Variants in PRPH observed in about 807,000 individuals in gnomAD.
PRPH encodes peripherin, also known as neurofilament 4 (57kD).
PRPH carries 48 observed loss-of-function variants against 52.6 expected under a neutral mutation model. That is an observed-to-expected ratio of 0.91 (90% CI 0.72 to 1.16). PRPH has a LOEUF of 1.16. Among genes scored for constraint, PRPH ranks in the 50% most tolerant of loss-of-function variants. PRPH has a pLI of 0.00. For missense variants in PRPH, 579 were observed against 635.7 expected (o/e 0.91, Z 0.96); for synonymous variants, 279 against 283.8 (o/e 0.98, Z 0.17).
chr12:49,295,284 C>T lies in PRPH; in HGVS notation c.84C>T (p.Ser28=). 1.2e-6 allele frequency: 2 copies of T among 1,611,940 alleles called. No homozygotes were observed. Among genetic ancestry groups the T allele is most frequent in the Middle Eastern group, 1.6e-4 (1 of 6,062 alleles). The change falls in exon 1 of 9, where the codon TCC becomes TCT. Residue 28 remains serine (S), a synonymous_variant. Coordinates refer to ENST00000257860, the MANE Select transcript of PRPH (RefSeq NM_006262.4). ...RRTFGPPPSL[S]PGAFSYSSSS... is the part of the protein sequence containing the mutation. ...CCTTCGGTCCACCGCCCTCACTATC[C>T]CCCGGGGCCTTCTCCTACTCGTCCA...
rs749334255 is a variant in PRPH, at chr12:49,296,160, G to C, written c.546-18G>C. 2 of 1,610,460 alleles carry C rather than the reference G, an allele frequency of 1.2e-6. No individual in the cohort carries two copies. Among genetic ancestry groups the C allele is most frequent in the South Asian group, 2.2e-5 (2 of 90,762 alleles). On this transcript the variant is annotated intron_variant, in intron 1 of 8. Coordinates refer to ENST00000257860, the MANE Select transcript of PRPH (RefSeq NM_006262.4). The surrounding 1 kb of genome is among the most constrained non-coding windows in gnomAD (Gnocchi z 5.1). ...GCGGCGACCCCGCAGTTCAGCCTCT[G>C]CACGCTCTTCCCGTCAGGTTGGAGG...
Position 49,298,413 on chromosome 12 carries a change from C to A in PRPH, c.*60C>A, listed in dbSNP as rs536114558. ...CCTGCTCAAAGCCCAAACCCTAAGA[C>A]CACTCCTGAATTGTCTCCTCTCCCT... is the stretch of plus-strand genomic sequence containing the variant. On this transcript the variant is annotated 3_prime_UTR_variant, in exon 9 of 9. Coordinates refer to ENST00000257860, the MANE Select transcript of PRPH (RefSeq NM_006262.4). 55 of 1,562,702 alleles carry A rather than the reference C, an allele frequency of 3.5e-5. No homozygotes were observed. Among genetic ancestry groups the A allele is most frequent in the Non-Finnish European group, 4.8e-5 (54 of 1,135,104 alleles).
rs974140153 is a variant in PRPH at position 49,297,866 on chromosome 12, G to A, written c.1268-92G>A. ...GTACCCACCCCTACTCCTCAAACCC[G>A]CCCCTCCCCTGCCCTCAGGGATAGC... On this transcript the variant is annotated intron_variant, in intron 7 of 8. Transcript: ENST00000257860. This position sits in a 1 kb window ranked among gnomAD's most constrained non-coding sequence, Gnocchi z 4.4. 1.2e-5 allele frequency: 18 copies of A among 1,510,332 alleles called. No individual in the cohort carries two copies. Among genetic ancestry groups the A allele is most frequent in the Admixed American group, 1.7e-5 (1 of 59,570 alleles). 93.6% of individuals were successfully genotyped at this position (1,510,332 alleles called of 1,614,324 possible).
At position 49,298,374 on chromosome 12, in the gene PRPH, G is replaced by T; in HGVS notation, c.*21G>T. The T allele has an allele frequency of 6.2e-7, 1 of 1,613,888 alleles. No individual in the cohort carries two copies. The highest frequency in any genetic ancestry group is 1.1e-5 in the South Asian group (1 of 91,000). On this transcript the variant is annotated 3_prime_UTR_variant, in exon 9 of 9. Coordinates refer to ENST00000257860, the MANE Select transcript of PRPH (RefSeq NM_006262.4). ...ACTGAACCCCTTGGTCCGGAGCCTT[G>T]ACTCTGCCCTAGGCCTGCTCAAAGC...
Position 49,297,497 on chromosome 12 carries a change from C to A in PRPH, c.1137C>A (p.Tyr379Ter), listed in dbSNP as rs778946909. The A allele has an allele frequency of 6.2e-7, 1 of 1,612,562 alleles. No homozygotes were observed. The highest frequency in any genetic ancestry group is 2.2e-5 in the East Asian group (1 of 44,850). ...KEEMARHLRE[Y>*]QELLNVKMAL... ...AGATGGCGCGGCACCTGAGGGAGTACCAGGAGCTCCTCAACGTCAAGATGG... is the reference window on the plus strand; with the variant it reads ...AGATGGCGCGGCACCTGAGGGAGTAACAGGAGCTCCTCAACGTCAAGATGG... The change falls in exon 6 of 9, where the codon TAC becomes TAA. Residue 379 changes from tyrosine to a stop codon, truncating the protein, a stop_gained. Coordinates refer to ENST00000257860, the MANE Select transcript of PRPH (RefSeq NM_006262.4). LOFTEE classifies it high-confidence loss of function. The surrounding 1 kb of genome is among the most constrained non-coding windows in gnomAD (Gnocchi z 4.4).
At position 49,298,439 on chromosome 12, in the gene PRPH, C is replaced by A. The variant is rs1325885513; in HGVS notation, c.*86C>A. On this transcript the variant is annotated 3_prime_UTR_variant, in exon 9 of 9. Coordinates refer to ENST00000257860, the MANE Select transcript of PRPH (RefSeq NM_006262.4). Reference sequence around the variant, plus strand: ...CACTCCTGAATTGTCTCCTCTCCCTCTGCATGTGTCTAAAAGGTGGTACCA... The same window carrying A: ...CACTCCTGAATTGTCTCCTCTCCCTATGCATGTGTCTAAAAGGTGGTACCA... 21 of 1,418,870 alleles carry A rather than the reference C, an allele frequency of 1.5e-5. No homozygotes were observed. Among genetic ancestry groups the A allele is most frequent in the Non-Finnish European group, 2.1e-5 (21 of 1,011,936 alleles). The allele number at this position is 1,418,870 out of a possible 1,614,324, so 87.9% of individuals were successfully genotyped here.
At position 49,298,442 on chromosome 12, in the gene PRPH, C is replaced by T; in HGVS notation, c.*89C>T. On this transcript the variant is annotated 3_prime_UTR_variant, in exon 9 of 9. Transcript: ENST00000257860. ...TCCTGAATTGTCTCCTCTCCCTCTG[C>T]ATGTGTCTAAAAGGTGGTACCAGGC... 1 of 1,417,352 alleles carries T rather than the reference C, an allele frequency of 7.1e-7. No homozygotes were observed. Among genetic ancestry groups the T allele is most frequent in the Non-Finnish European group, 9.9e-7 (1 of 1,010,944 alleles). The allele number at this position is 1,417,352 out of a possible 1,614,324, so 87.8% of individuals were successfully genotyped here.
Position 49,297,499 on chromosome 12 carries a change from A to G in PRPH, c.1139A>G (p.Gln380Arg). The G allele has an allele frequency of 6.2e-7, 1 of 1,612,420 alleles. No individual in the cohort carries two copies. Among genetic ancestry groups the G allele is most frequent in the African/African-American group, 1.3e-5 (1 of 74,938 alleles). Reference sequence around the variant, plus strand: ...ATGGCGCGGCACCTGAGGGAGTACCAGGAGCTCCTCAACGTCAAGATGGCC... The same window carrying G: ...ATGGCGCGGCACCTGAGGGAGTACCGGGAGCTCCTCAACGTCAAGATGGCC... ...EEMARHLREY[Q>R]ELLNVKMALD... Residue 380 changes from glutamine (Q) to arginine (R), a missense_variant, in exon 6 of 9, where the codon CAG becomes CGG. Physicochemically the swap from Gln to Arg is conservative, Grantham distance 43 (BLOSUM62 1). Coordinates refer to ENST00000257860, the MANE Select transcript of PRPH (RefSeq NM_006262.4). The surrounding 1 kb of genome is among the most constrained non-coding windows in gnomAD (Gnocchi z 4.4).
In PRPH at chr12:49,295,457, T is replaced by C. The variant is rs1301826636; in HGVS notation, c.257T>C (p.Leu86Pro). ...ERLDFSMAEALNQEFLATRSN... is the reference protein window; with the variant it reads ...ERLDFSMAEAPNQEFLATRSN... The stretch of plus-strand genomic sequence containing the variant: ...CTCGACTTCTCCATGGCCGAGGCCC[T>C]CAACCAGGAGTTCCTGGCCACGCGC... The change falls in exon 1 of 9, where the codon CTC becomes CCC. Residue 86 changes from leucine to proline, a missense_variant. Coordinates refer to ENST00000257860, the MANE Select transcript of PRPH (RefSeq NM_006262.4). The C allele has an allele frequency of 3.1e-6, 5 of 1,608,166 alleles. No homozygotes were observed. The highest frequency in any genetic ancestry group is 1.7e-4 in the Middle Eastern group (1 of 6,056).
Position 49,297,075 on chromosome 12 carries a change from C to A in PRPH, c.870+19C>A, listed in dbSNP as rs368901539. ...GTCCAAGGTGCAAGAGCCGGGAGGG[C>A]CTGCGAGGCGGGACGCTGGGGTGGT... is the stretch of plus-strand genomic sequence containing the variant. On this transcript the variant is annotated intron_variant, in intron 4 of 8. Transcript: ENST00000257860. This position sits in a 1 kb window ranked among gnomAD's most constrained non-coding sequence, Gnocchi z 4.4. 17 of 1,613,722 alleles carry A rather than the reference C, an allele frequency of 1.1e-5. No homozygotes were observed. The African/African-American group carries it at 2.1e-4, about 20-fold the overall frequency.
Position 49,296,037 on chromosome 12 carries a change from A to AT in PRPH, c.546-139dup. The AT allele has an allele frequency of 1.5e-6, 2 of 1,318,664 alleles. No individual in the cohort carries two copies. Among genetic ancestry groups the AT allele is most frequent in the Non-Finnish European group, 2.1e-6 (2 of 952,312 alleles). The allele number at this position is 1,318,664 out of a possible 1,614,324, so 81.7% of individuals were successfully genotyped here. Reference sequence around the variant, plus strand: ...AGTCCGTTAGAGACAATGCGGGGCAATTCCATTAGACAGCCTCAGCCCTCC... The same window carrying AT: ...AGTCCGTTAGAGACAATGCGGGGCAATTTCCATTAGACAGCCTCAGCCCTCC... On this transcript the variant is annotated intron_variant, in intron 1 of 8. Coordinates refer to ENST00000257860, the MANE Select transcript of PRPH (RefSeq NM_006262.4). The surrounding 1 kb of genome is among the most constrained non-coding windows in gnomAD (Gnocchi z 5.1).
Position 49,295,692 on chromosome 12 carries a change from G to A in PRPH, c.492G>A (p.Arg164=). 1.3e-6 allele frequency: 2 copies of A among 1,532,022 alleles called. No homozygotes were observed. Among genetic ancestry groups the A allele is most frequent in the Admixed American group, 2.0e-5 (1 of 50,076 alleles). The allele number at this position is 1,532,022 out of a possible 1,614,324, so 94.9% of individuals were successfully genotyped here. A position where few individuals can be genotyped will look rare whatever the true frequency, so the allele number is the denominator to read the frequency against. The change falls in exon 1 of 9, where the codon CGG becomes CGA. Residue 164 remains arginine (R), a synonymous_variant. Coordinates refer to ENST00000257860, the MANE Select transcript of PRPH (RefSeq NM_006262.4). ...AGCTGTTGGGCCGCGAGCGTGACCG[G>A]GTGCAGGTGGAGCGCGACGGGCTGG... ...ELELLGRERD[R]VQVERDGLAE...
In PRPH at chr12:49,297,737, CT is replaced by C; in HGVS notation, c.1267+13del. 1 of 1,611,022 alleles carries C rather than the reference CT, an allele frequency of 6.2e-7. No homozygotes were observed. Among genetic ancestry groups the C allele is most frequent in the East Asian group, 2.2e-5 (1 of 44,884 alleles). ...ATATAAAGACGACTGGTGAGTCTGG[CT>C]TACAGCCTGTACCTCTCCTTGTCCA... is the stretch of plus-strand genomic sequence containing the variant. On this transcript the variant is annotated intron_variant, in intron 7 of 8. Transcript: ENST00000257860. This position sits in a 1 kb window ranked among gnomAD's most constrained non-coding sequence, Gnocchi z 4.4.
chr12:49,295,804 G>C (rs1298081007), intron 1 of PRPH, 59 bp downstream of exon 1: 6 of 1,441,138 alleles, frequency 4.2e-6, no homozygotes, highest in African/African-American at 2.9e-5. Flanking sequence ...CCGTCGAGGC[G>C]GCTGCTCTTG....
In PRPH at chr12:49,295,430, G is replaced by C. The variant is rs755554237; in HGVS notation, c.230G>C (p.Arg77Pro). The change falls in exon 1 of 9, where the codon CGC becomes CCC. Residue 77 changes from arginine (R) to proline (P), a missense_variant. Physicochemically the swap from Arg to Pro is moderately radical, Grantham distance 103 (BLOSUM62 -2). Transcript: ENST00000257860. The part of the protein sequence containing the change: ...AGALLRLPSE[R>P]LDFSMAEALN... ...GCCCTCCTGCGCCTGCCCTCGGAGCGCCTCGACTTCTCCATGGCCGAGGCC... is the reference window on the plus strand; with the variant it reads ...GCCCTCCTGCGCCTGCCCTCGGAGCCCCTCGACTTCTCCATGGCCGAGGCC... The C allele has an allele frequency of 1.2e-6, 2 of 1,605,636 alleles. No homozygotes were observed. The highest frequency in any genetic ancestry group is 2.2e-5 in the South Asian group (2 of 89,774).
chr12:49,298,267 C>G (rs1229970300), intron 8 of PRPH, 21 bp from the exon 9 acceptor site: 1 of 1,613,832 alleles, frequency 6.2e-7, no homozygotes, highest in Admixed American at 1.7e-5. Context: ...TTGTGCCCAT[C>G]ATATGCCCTG....
In PRPH at chr12:49,295,614, G is replaced by A; in HGVS notation, c.414G>A (p.Ala138=). 2 of 1,547,158 alleles carry A rather than the reference G, an allele frequency of 1.3e-6. No individual in the cohort carries two copies. The highest frequency in any genetic ancestry group is 1.7e-6 in the Non-Finnish European group (2 of 1,146,280). Residue 138 remains alanine (A), a synonymous_variant, in exon 1 of 9, where the codon GCG becomes GCA. Transcript: ENST00000257860. Reference sequence around the variant, plus strand: ...GCCAAGCCCGGGGCCAGGAGCCGGCGCGCGCCGACCAGCTGTGCCAGCAGG... The same window carrying A: ...GCCAAGCCCGGGGCCAGGAGCCGGCACGCGCCGACCAGCTGTGCCAGCAGG... ...ELSQARGQEP[A]RADQLCQQEL...
rs1943219161 is a variant in PRPH at position 49,298,419 on chromosome 12, C to T, written c.*66C>T. 6.6e-7 allele frequency: 1 copy of T among 1,521,514 alleles called. No individual in the cohort carries two copies. The highest frequency in any genetic ancestry group is 1.1e-5 in the South Asian group (1 of 88,144). The allele number at this position is 1,521,514 out of a possible 1,614,324, so 94.3% of individuals were successfully genotyped here. On this transcript the variant is annotated 3_prime_UTR_variant, in exon 9 of 9. Coordinates refer to ENST00000257860, the MANE Select transcript of PRPH (RefSeq NM_006262.4). ...CAAAGCCCAAACCCTAAGACCACTC[C>T]TGAATTGTCTCCTCTCCCTCTGCAT...
Position 49,296,061 on chromosome 12 carries a change from C to G in PRPH, c.546-117C>G. ...AATTCCATTAGACAGCCTCAGCCCTCCATTTAGAGTCCTGGGCAGCAGAAC... is the reference window on the plus strand; with the variant it reads ...AATTCCATTAGACAGCCTCAGCCCTGCATTTAGAGTCCTGGGCAGCAGAAC... On this transcript the variant is annotated intron_variant, in intron 1 of 8. Transcript: ENST00000257860. This position sits in a 1 kb window ranked among gnomAD's most constrained non-coding sequence, Gnocchi z 5.1. 1 of 1,341,838 alleles carries G rather than the reference C, an allele frequency of 7.5e-7. No homozygotes were observed. The highest frequency in any genetic ancestry group is 1.2e-5 in the South Asian group (1 of 80,120). 83.1% of individuals were successfully genotyped at this position (1,341,838 alleles called of 1,614,324 possible).
Sources: allele counts gnomAD v4.1 joint callset, GRCh38; gene constraint gnomAD v4.1.1; non-coding constraint Gnocchi (gnomAD v3.1); transcripts MANE v1.5; gene names NCBI Gene and HGNC (gene_info 2026-07-23, HGNC 2026-07-21).